The following SRPK2 variants were observed in gnomAD, a reference collection of about 807,000 sequenced individuals.
SRPK2 encodes SRSF protein kinase 2.
A neutral mutation model predicts 90.8 loss-of-function variants in SRPK2; 21 were observed. The ratio of observed to expected loss-of-function variants is 0.23; its 90% CI spans 0.16 to 0.33. SRPK2 has a LOEUF of 0.33. SRPK2 is among the 10% of genes least tolerant of loss of function. The pLI is 1.00. For missense variants in SRPK2, 620 were observed against 869.0 expected, an observed-to-expected ratio of 0.71 and a Z score of 3.60; for synonymous variants, 288 against 311.1, an observed-to-expected ratio of 0.93 and a Z score of 0.78.
intron 6 of SRPK2, among the ~76,000 whole-genome samples, chr7:105,162,846 G>A (rs1807889308): frequency 6.6e-6 from 1 of 152,180 alleles, no homozygotes; most frequent in African/African-American, 2.4e-5. Flanking sequence ...CCACTAGAAC[G>A]TATATTTCAA....
At chr7:105,129,991 A>G (rs892715321) in intron 13 of SRPK2, among the ~76,000 whole-genome samples, 1 of 152,210 alleles carries the variant, frequency 6.6e-6, no homozygotes, top group African/African-American at 2.4e-5. Flanking sequence ...ACTCTAATAC[A>G]TAAATGCAGA....
chr7:105,165,213 C>T (rs1789881866), intron 6 of SRPK2, among the ~76,000 whole-genome samples: 3 of 152,200 alleles, frequency 2.0e-5, no homozygotes, highest in Admixed American at 2.0e-4. Flanking sequence ...CCAACCCTTT[C>T]TACAATCCTA....
intron 2 of SRPK2, among the ~76,000 whole-genome samples, 162 bp from the exon 3 acceptor site, chr7:105,203,947 T>A (rs564862909): frequency 2.7e-5 from 4 of 146,394 alleles, no homozygotes; most frequent in African/African-American, 1.0e-4. Context: ...ATTCAAGTAG[T>A]GTTTCAACAT....
intron 2 of SRPK2, among the ~76,000 whole-genome samples, chr7:105,357,037 A>ATTTTT (rs35074269): frequency 1.4e-5 from 2 of 143,046 alleles, no homozygotes; most frequent in East Asian, 4.0e-4. Flanking sequence ...GTAAACACTA[A>ATTTTT]TTTTTTTTTT....
intron 2 of SRPK2, among the ~76,000 whole-genome samples, chr7:105,208,259 A>G (rs1460235090): frequency 1.3e-5 from 2 of 152,218 alleles, no homozygotes; most frequent in Non-Finnish European, 2.9e-5. Flanking sequence ...TAAACATAAA[A>G]TTACCAAATA....
At chr7:105,208,109 C>A (rs1313967995) in intron 2 of SRPK2, among the ~76,000 whole-genome samples, 1 of 152,098 alleles carries the variant, frequency 6.6e-6, no homozygotes, top group Admixed American at 6.5e-5. Flanking sequence ...CCACTTCATA[C>A]CCACTAGAAT....
chr7:105,247,846 A>C (rs978020524), intron 2 of SRPK2, among the ~76,000 whole-genome samples: 14 of 150,446 alleles, frequency 9.3e-5, no homozygotes, highest in Non-Finnish European at 1.6e-4. Flanking sequence ...ATAGGGCATG[A>C]GCTGTCATGC....
rs1807160183 is a variant in SRPK2 at position 105,280,669 on chromosome 7, C to T, written c.72-76884G>A. Among the ~76,000 whole-genome samples the T allele has an allele frequency of 8.9e-5, 12 of 134,764 alleles. No individual in the cohort carries two copies. The South Asian group carries it at 2.8e-3, about 31-fold the overall frequency. 88.4% of individuals were successfully genotyped at this position (134,764 alleles called of 152,430 possible). On this transcript the variant is annotated intron_variant, in intron 2 of 15. Coordinates refer to ENST00000393651, the MANE Select transcript of SRPK2 (RefSeq NM_182692.3). ...TCATTAAAAAAAAGGGGGGGGGGGC[C>T]GGGCACAGTGGCTCACCCCTGTAAT...
At chr7:105,239,994 G>T (rs1321769173) in intron 2 of SRPK2, among the ~76,000 whole-genome samples, 2 of 152,086 alleles carry the variant, frequency 1.3e-5, no homozygotes, top group African/African-American at 2.4e-5. Context: ...AATAACCTCT[G>T]GATCAAATAC....
chr7:105,145,128 T>A (rs989857001), intron 9 of SRPK2, among the ~76,000 whole-genome samples, 155 bp downstream of exon 9: 5 of 149,288 alleles, frequency 3.3e-5, no homozygotes, highest in African/African-American at 4.9e-5. Flanking sequence ...AAAAAAAAAA[T>A]TAACAAGACA....
At chr7:105,259,462 G>C (rs1385470023) in intron 2 of SRPK2, among the ~76,000 whole-genome samples, 1 of 152,142 alleles carries the variant, frequency 6.6e-6, no homozygotes, top group Non-Finnish European at 1.5e-5. Context: ...CACGGCCTAA[G>C]GTAATTTACA....
chr7:105,338,169 T>C (rs1585774534), intron 2 of SRPK2, among the ~76,000 whole-genome samples: 2 of 152,124 alleles, frequency 1.3e-5, no homozygotes, highest in East Asian at 3.8e-4. Flanking sequence ...TTTGAAATTA[T>C]TACAAGGCAA....
chr7:105,285,143 T>G (rs1472959339), intron 2 of SRPK2, among the ~76,000 whole-genome samples: 3 of 152,070 alleles, frequency 2.0e-5, no homozygotes, highest in Non-Finnish European at 2.9e-5. Flanking sequence ...CCCAGCACTT[T>G]GGAAGCCCGA....
intron 2 of SRPK2, among the ~76,000 whole-genome samples, chr7:105,340,057 C>CA (rs1158148327): frequency 7.1e-5 from 4 of 55,978 alleles, no homozygotes; most frequent in African/African-American, 1.5e-4. Context: ...AACACTGTCA[C>CA]AAAAAAAAGG....
At chr7:105,344,662 G>A (rs1418324409) in intron 2 of SRPK2, among the ~76,000 whole-genome samples, 1 of 151,560 alleles carries the variant, frequency 6.6e-6, no homozygotes, top group African/African-American at 2.4e-5. Context: ...GCAATCCACA[G>A]TTTGCAGACC....
At chr7:105,248,761 G>A (rs1802072533) in intron 2 of SRPK2, among the ~76,000 whole-genome samples, 1 of 152,032 alleles carries the variant, frequency 6.6e-6, no homozygotes, top group Admixed American at 6.6e-5. Context: ...CTAACACGGT[G>A]AAACCCCGTC....
chr7:105,130,248 C>G (rs369976088), intron 13 of SRPK2, among the ~76,000 whole-genome samples: 3 of 152,258 alleles, frequency 2.0e-5, no homozygotes, highest in East Asian at 3.9e-4. Flanking sequence ...AGATTTGATG[C>G]TATTTATAAA....
chr7:105,256,799 G>A (rs980099301), intron 2 of SRPK2, among the ~76,000 whole-genome samples: 10 of 152,200 alleles, frequency 6.6e-5, no homozygotes, highest in African/African-American at 2.4e-4. Flanking sequence ...CCCACATCTA[G>A]ATGGTGTCAT....
At chr7:105,203,432 T>A (rs1795810972) in intron 3 of SRPK2, among the ~76,000 whole-genome samples, 196 bp downstream of exon 3, 1 of 152,242 alleles carries the variant, frequency 6.6e-6, no homozygotes, top group African/African-American at 2.4e-5. Flanking sequence ...TTCTCTCTCA[T>A]ATCACTTAAT....
Sources: gnomAD v4.1 joint callset for allele counts (sites outside exome capture counted in the v4.1 genomes callset) on GRCh38, gnomAD v4.1.1 for gene constraint, MANE v1.5 for transcripts, NCBI Gene and HGNC (gene_info 2026-07-23, HGNC 2026-07-21) for gene names.